PLXDC2: variants seen among roughly 807,000 people sequenced by gnomAD.
PLXDC2 encodes plexin domain-containing protein 2.
PLXDC2 carries 40 observed loss-of-function variants against 68.9 expected under a neutral mutation model. That is an observed-to-expected ratio of 0.58 (90% CI 0.45 to 0.76). The LOEUF (loss-of-function observed/expected upper bound fraction) is 0.76, where lower values mean the gene tolerates loss of function less well. PLXDC2 is among the 30% of genes least tolerant of loss of function. The pLI is 0.00. For synonymous variants in PLXDC2, 243 were observed against 234.2 expected (o/e 1.04, Z -0.34); for missense variants, 644 against 661.9 (o/e 0.97, Z 0.30).
At chr10:20,061,112 C>T (rs746833599) in intron 3 of PLXDC2, among the ~76,000 whole-genome samples, 2 of 152,190 alleles carry the variant, frequency 1.3e-5, no homozygotes, top group African/African-American at 2.4e-5. Flanking sequence ...ACTCGTGGTA[C>T]CATTGACAAT....
chr10:20,272,163 G>A (rs1480841875), intron 13 of PLXDC2, among the ~76,000 whole-genome samples: 1 of 152,038 alleles, frequency 6.6e-6, no homozygotes, highest in Non-Finnish European at 1.5e-5. Flanking sequence ...AACACTTGGA[G>A]GATTTGCTAA....
chr10:19,837,407 AGAGTGTGTGTGTGT>A (rs1242251284), intron 1 of PLXDC2, among the ~76,000 whole-genome samples: 3 of 87,616 alleles, frequency 3.4e-5, no homozygotes, highest in African/African-American at 1.3e-4. Context: ...AGAGAGAGAG[AGAGTGTGTGTGTGT>A]GTGTGTGTGT....
At chr10:20,156,073 G>T (rs1157151681) in intron 6 of PLXDC2, among the ~76,000 whole-genome samples, 2 of 151,950 alleles carry the variant, frequency 1.3e-5, no homozygotes, top group African/African-American at 2.4e-5. Context: ...CAAACCCAGG[G>T]TGTAGACTTT....
chr10:19,916,535 T>G (rs1025223642), intron 1 of PLXDC2, among the ~76,000 whole-genome samples: 1 of 152,088 alleles, frequency 6.6e-6, no homozygotes, highest in Non-Finnish European at 1.5e-5. Context: ...AAAATTACAA[T>G]GGTAATGGTA....
chr10:19,962,635 C>T, intron 1 of PLXDC2, among the ~76,000 whole-genome samples: 1 of 147,952 alleles, frequency 6.8e-6, no homozygotes. Context: ...CGTGATCCGC[C>T]TGCCTCGGCC....
In PLXDC2 at chr10:19,835,438, A is replaced by G. The variant is rs532130227; in HGVS notation, c.112+18247A>G. Among the ~76,000 whole-genome samples, 17 of 152,344 alleles carry G rather than the reference A, an allele frequency of 1.1e-4. No homozygotes were observed. The East Asian group carries it at 2.3e-3, about 21-fold the overall frequency. On this transcript the variant is annotated intron_variant, in intron 1 of 13. Transcript: ENST00000377252. ...TCCAGGTGCTTTAGGGAATAGAAAC[A>G]TGAGCTCAACCTTAGACTTGGCGAG...
At chr10:20,088,103 G>A (rs1833225292) in intron 4 of PLXDC2, among the ~76,000 whole-genome samples, 1 of 152,122 alleles carries the variant, frequency 6.6e-6, no homozygotes, top group Non-Finnish European at 1.5e-5. Context: ...GTCAAAGAGT[G>A]AACATTCAAA....
rs1418700571 is a variant in PLXDC2, at chr10:20,289,825, T to C, written c.*10006T>C. The C allele has an allele frequency of 2.0e-5, 3 of 152,186 alleles. 1 individual carries two copies. Among genetic ancestry groups the C allele is most frequent in the African/African-American group, 7.2e-5 (3 of 41,436 alleles). The allele number at this position is 152,186 out of a possible 1,614,324, so 9.4% of individuals were successfully genotyped here. On this transcript the variant is annotated 3_prime_UTR_variant, in exon 14 of 14. Coordinates refer to ENST00000377252, the MANE Select transcript of PLXDC2 (RefSeq NM_032812.9). ...GGACTGTACTGATTAAACTTTGATATTGTGGAGTAAATTCAGAAGTGCAAT... is the reference window on the plus strand; with the variant it reads ...GGACTGTACTGATTAAACTTTGATACTGTGGAGTAAATTCAGAAGTGCAAT...
chr10:20,151,568 T>A (rs1410878248), intron 6 of PLXDC2, among the ~76,000 whole-genome samples: 3 of 152,164 alleles, frequency 2.0e-5, no homozygotes, highest in Admixed American at 1.3e-4. Flanking sequence ...TCAACCATTT[T>A]CTCTGCCTAA....
intron 9 of PLXDC2, among the ~76,000 whole-genome samples, chr10:20,204,055 T>C (rs1324701907): frequency 6.6e-6 from 1 of 152,024 alleles, no homozygotes; most frequent in Non-Finnish European, 1.5e-5. Context: ...GAGCAGTATA[T>C]AATAAATGGT....
At chr10:20,235,887 C>G (rs1261151330) in intron 12 of PLXDC2, among the ~76,000 whole-genome samples, 2 of 152,108 alleles carry the variant, frequency 1.3e-5, no homozygotes, top group Non-Finnish European at 2.9e-5. Flanking sequence ...ACCTCCAAAC[C>G]TTGAAAGTGC....
At chr10:20,097,367 A>C (rs2131735774) in intron 4 of PLXDC2, among the ~76,000 whole-genome samples, 1 of 152,158 alleles carries the variant, frequency 6.6e-6, no homozygotes. Flanking sequence ...AAATTTAATA[A>C]CCGACTTTGA....
chr10:20,031,844 G>C (rs1420155042), intron 2 of PLXDC2, among the ~76,000 whole-genome samples: 1 of 149,022 alleles, frequency 6.7e-6, no homozygotes, highest in Non-Finnish European at 1.5e-5. Flanking sequence ...TTATTATTTT[G>C]AGATGGAGTC....
chr10:19,944,559 T>C (rs1240702378), intron 1 of PLXDC2, among the ~76,000 whole-genome samples: 1 of 152,112 alleles, frequency 6.6e-6, no homozygotes, highest in East Asian at 1.9e-4. Flanking sequence ...TGAAAATGAA[T>C]AGGTTTCAGA....
At chr10:20,057,046 T>G (rs1836010622) in intron 3 of PLXDC2, among the ~76,000 whole-genome samples, 1 of 152,144 alleles carries the variant, frequency 6.6e-6, no homozygotes, top group Non-Finnish European at 1.5e-5. Flanking sequence ...CAGCTGAGAT[T>G]CTCTTTTCTA....
intron 1 of PLXDC2, among the ~76,000 whole-genome samples, chr10:19,939,508 A>G (rs1454107302): frequency 6.6e-6 from 1 of 152,210 alleles, no homozygotes. Context: ...GCCAAAAAAA[A>G]AGAGAACTGT....
chr10:19,974,026 G>A (rs1834406178), intron 1 of PLXDC2, among the ~76,000 whole-genome samples: 1 of 152,084 alleles, frequency 6.6e-6, no homozygotes, highest in African/African-American at 2.4e-5. Context: ...GTAAGACTTG[G>A]GATATTTTAT....
chr10:20,116,873 A>G (rs1833629157), intron 4 of PLXDC2, among the ~76,000 whole-genome samples: 1 of 152,194 alleles, frequency 6.6e-6, no homozygotes, highest in African/African-American at 2.4e-5. Context: ...AGTAAATTCT[A>G]CAGATTGTTA....
At chr10:19,822,377 A>G (rs537415389) in intron 1 of PLXDC2, among the ~76,000 whole-genome samples, 88 of 151,930 alleles carry the variant, frequency 5.8e-4, no homozygotes, top group Middle Eastern at 6.9e-3. Flanking sequence ...TTATTCATCA[A>G]TGGACACTCA....
Sources: gnomAD v4.1 joint callset for allele counts (sites outside exome capture counted in the v4.1 genomes callset) on GRCh38, gnomAD v4.1.1 for gene constraint, MANE v1.5 for transcripts, NCBI Gene and HGNC (gene_info 2026-07-23, HGNC 2026-07-21) for gene names.